Variants in C16orf96 observed in about 807,000 individuals in gnomAD.
The protein encoded by C16orf96 is uncharacterized protein C16orf96.
In C16orf96, 108 loss-of-function variants were observed where a neutral mutation model predicts 103.6. That is an observed-to-expected ratio of 1.04 (90% CI 0.89 to 1.22). C16orf96 has a LOEUF of 1.22. C16orf96 is among the 50% of genes most tolerant of loss of function. C16orf96 has a pLI of 0.00. For missense variants in C16orf96, 1,586 were observed against 1,464.2 expected (o/e 1.08, Z -1.36); for synonymous variants, 566 against 593.5 (o/e 0.95, Z 0.67).
intron 5 of C16orf96, among the ~76,000 whole-genome samples, chr16:4,577,229 C>G (rs2059523242): frequency 6.6e-6 from 1 of 151,996 alleles, no homozygotes. Flanking sequence ...TTTGTGATAG[C>G]CCATAAAACA....
intron 2 of C16orf96, 107 bp from the exon 3 acceptor site, chr16:4,574,602 G>T: frequency 1.2e-6 from 1 of 851,712 alleles, no homozygotes; most frequent in South Asian, 1.7e-5. Context: ...CACTGGATTT[G>T]GAACCCGTTC....
chr16:4,595,884 T>G (rs1171840784), intron 14 of C16orf96, among the ~76,000 whole-genome samples: 3 of 151,834 alleles, frequency 2.0e-5, no homozygotes. Flanking sequence ...ATTTTTGTAT[T>G]TTTTAGTAGA....
intron 10 of C16orf96, among the ~76,000 whole-genome samples, 165 bp from the exon 11 acceptor site, chr16:4,592,140 C>T (rs570571501): frequency 3.9e-5 from 6 of 152,342 alleles, no homozygotes; most frequent in South Asian, 2.1e-4. Flanking sequence ...GTGTTTGGGG[C>T]GGCAGAGAAA....
chr16:4,586,611 T>G (rs1335535627), intron 7 of C16orf96, among the ~76,000 whole-genome samples: 2 of 152,128 alleles, frequency 1.3e-5, no homozygotes, highest in Non-Finnish European at 2.9e-5. Flanking sequence ...GGATAGGACG[T>G]GAGGTTTTTC....
chr16:4,576,189 T>C lies in C16orf96; in HGVS notation c.1709T>C (p.Ile570Thr). ...CACCGGCTGAAAACCACCGCTGCCA[T>C]CGCCGCCGCTGCCGCCGCAGCCTAC... ...ALHRLKTTAA[I>T]AAAAAAAYAA... Residue 570 changes from isoleucine (I) to threonine (T), a missense_variant, in exon 5 of 16, where the codon ATC (isoleucine) becomes ACC (threonine). Physicochemically the swap from Ile to Thr is moderately conservative, Grantham distance 89. Coordinates refer to ENST00000444310, the MANE Select transcript of C16orf96 (RefSeq NM_001145011.2). 6.5e-7 allele frequency: 1 copy of C among 1,550,362 alleles called. No individual in the cohort carries two copies. Among genetic ancestry groups the C allele is most frequent in the South Asian group, 1.2e-5 (1 of 84,058 alleles).
chr16:4,544,080 G>T, the C16orf96 span, among the ~76,000 whole-genome samples: 1 of 152,190 alleles, frequency 6.6e-6, no homozygotes, highest in African/African-American at 2.4e-5. Flanking sequence ...GGGTCATAGA[G>T]GGGGTAGGGC....
chr16:4,550,447 T>A, the C16orf96 span, among the ~76,000 whole-genome samples: 1 of 152,148 alleles, frequency 6.6e-6, no homozygotes, highest in Admixed American at 6.6e-5. Flanking sequence ...AGGAGGTACC[T>A]CTCTCCTCCC....
chr16:4,588,094 G>A, intron 8 of C16orf96, 73 bp from the exon 9 acceptor site: 2 of 1,460,134 alleles, frequency 1.4e-6, no homozygotes, highest in Non-Finnish European at 1.8e-6. Context: ...CAGACCCAAG[G>A]GGTGTGATGT....
At chr16:4,539,329 C>T in the C16orf96 span, among the ~76,000 whole-genome samples, 1 of 152,138 alleles carries the variant, frequency 6.6e-6, no homozygotes, top group African/African-American at 2.4e-5. Flanking sequence ...AAACAAACCC[C>T]CTTGTTGCCT....
Position 4,594,485 on chromosome 16 carries a change from A to T in C16orf96, c.3002A>T (p.Asp1001Val). The change falls in exon 13 of 16, where the codon GAT (aspartate) becomes GTT (valine). Residue 1001 changes from aspartate (D) to valine (V), a missense_variant. Coordinates refer to ENST00000444310, the MANE Select transcript of C16orf96 (RefSeq NM_001145011.2). Reference sequence around the variant, plus strand: ...CTGTTGACGCTCTATCCCTACGGGGATCCCCACGTGATCGACTATGACAGC... The same window carrying T: ...CTGTTGACGCTCTATCCCTACGGGGTTCCCCACGTGATCGACTATGACAGC... ...CNLLTLYPYG[D>V]PHVIDYDSAE... 1 of 1,551,366 alleles carries T rather than the reference A, an allele frequency of 6.4e-7. No homozygotes were observed. Among genetic ancestry groups the T allele is most frequent in the Non-Finnish European group, 8.7e-7 (1 of 1,146,974 alleles).
chr16:4,567,540 C>T (rs867616134), intron 1 of C16orf96, among the ~76,000 whole-genome samples: 2 of 151,824 alleles, frequency 1.3e-5, no homozygotes, highest in African/African-American at 4.8e-5. Flanking sequence ...ACCTCGGCCT[C>T]CCAAAGTGCT....
intron 1 of C16orf96, among the ~76,000 whole-genome samples, chr16:4,564,996 G>C (rs979526319): frequency 7.2e-5 from 11 of 152,154 alleles, no homozygotes; most frequent in African/African-American, 2.7e-4. Flanking sequence ...TACATTCCTC[G>C]TTTCCGTGGA....
intron 9 of C16orf96, among the ~76,000 whole-genome samples, chr16:4,591,070 C>T (rs1380289776): frequency 6.6e-6 from 1 of 151,950 alleles, no homozygotes; most frequent in Non-Finnish European, 1.5e-5. Flanking sequence ...ACCTGTAGTC[C>T]CAGCTACTTG....
chr16:4,562,304 C>T (rs1310796235), intron 1 of C16orf96, among the ~76,000 whole-genome samples: 2 of 151,942 alleles, frequency 1.3e-5, no homozygotes, highest in African/African-American at 4.8e-5. Flanking sequence ...GCGAGACTCC[C>T]TTTCTACCAA....
chr16:4,574,926 G>GC, intron 3 of C16orf96, 46 bp from the exon 4 acceptor site: 1 of 1,534,638 alleles, frequency 6.5e-7, no homozygotes, highest in South Asian at 1.2e-5. Flanking sequence ...GGGGGACACT[G>GC]CCCCCTCCAG....
At chr16:4,549,705 G>A in the C16orf96 span, among the ~76,000 whole-genome samples, 1 of 152,114 alleles carries the variant, frequency 6.6e-6, no homozygotes, top group South Asian at 2.1e-4. Context: ...GGCTGAGGCA[G>A]GAGAATCGCT....
chr16:4,582,338 A>G (rs1199810304), intron 7 of C16orf96, among the ~76,000 whole-genome samples: 1 of 150,676 alleles, frequency 6.6e-6, no homozygotes, highest in African/African-American at 2.4e-5. Flanking sequence ...TAACCCACCA[A>G]GGTTGTTTCC....
chr16:4,555,404 C>T (rs1216096942), upstream of C16orf96, among the ~76,000 whole-genome samples: 2 of 151,670 alleles, frequency 1.3e-5, no homozygotes, highest in African/African-American at 2.4e-5. Context: ...GACGGAGTCT[C>T]GCTCTGTCGC....
At chr16:4,561,791 C>G (rs1158248898) in intron 1 of C16orf96, 1 of 152,174 alleles carries the variant, frequency 6.6e-6, no homozygotes, top group Non-Finnish European at 1.5e-5. Flanking sequence ...CTGCACCCAC[C>G]AACTAGTGAG....
Sources: gnomAD v4.1 joint callset for allele counts (sites outside exome capture counted in the v4.1 genomes callset) on GRCh38, gnomAD v4.1.1 for gene constraint, MANE v1.5 for transcripts, NCBI Gene and HGNC (gene_info 2026-07-23, HGNC 2026-07-21) for gene names.